The following SPATA6L variants were observed in gnomAD, a reference collection of about 807,000 sequenced individuals.
SPATA6L encodes spermatogenesis associated 6 like.
A neutral mutation model predicts 49.2 loss-of-function variants in SPATA6L; 68 were observed. That is an observed-to-expected ratio of 1.38 (90% confidence interval 1.14 to 1.69). SPATA6L has a LOEUF of 1.69. SPATA6L is among the 40% of genes most tolerant of loss of function. The probability of loss-of-function intolerance (pLI) is 0.00; values close to 1 mark genes in which losing one functional copy is unlikely to be tolerated. For synonymous variants in SPATA6L, 198 were observed against 165.7 expected (o/e 1.19, Z -1.50); for missense variants, 668 against 464.3 (o/e 1.44, Z -4.03).
Position 4,666,362 on chromosome 9 carries a change from C to G in SPATA6L, c.-112G>C. 8.6e-7 allele frequency: 1 copy of G among 1,156,702 alleles called. No homozygotes were observed. Among genetic ancestry groups the G allele is most frequent in the Admixed American group, 1.9e-5 (1 of 51,580 alleles). 71.7% of individuals were successfully genotyped at this position (1,156,702 alleles called of 1,614,324 possible). A position where few individuals can be genotyped will look rare whatever the true frequency, so the allele number is the denominator to read the frequency against. ...CTAGAGCAAATGTTCCCAGAAGCTT[C>G]CCCAGTCCCACGCCCTTGTTCCCCT... On this transcript the variant is annotated 5_prime_UTR_variant, in exon 1 of 12. Coordinates refer to ENST00000682582, the MANE Select transcript of SPATA6L (RefSeq NM_001353486.2).
chr9:4,633,885 T>C (rs943839643), intron 4 of SPATA6L: 2 of 152,242 alleles, frequency 1.3e-5, no homozygotes, highest in Non-Finnish European at 2.9e-5. Context: ...CTCTATCTAT[T>C]CACAAATTAT....
intron 7 of SPATA6L, among the ~76,000 whole-genome samples, chr9:4,619,378 G>A (rs887975683): frequency 6.6e-6 from 1 of 151,800 alleles, no homozygotes; most frequent in Non-Finnish European, 1.5e-5. Context: ...GGCTGGTCTC[G>A]AACTCCTGAC....
chr9:4,639,001 AT>A (rs112849249), intron 3 of SPATA6L, among the ~76,000 whole-genome samples: 6 of 152,254 alleles, frequency 3.9e-5, no homozygotes, highest in African/African-American at 1.4e-4. Context: ...CTTACCAACT[AT>A]GTGATCTGGG....
intron 1 of SPATA6L, chr9:4,663,134 G>A (rs1840271303): frequency 6.2e-7 from 1 of 1,614,138 alleles, no homozygotes; most frequent in East Asian, 2.2e-5. Flanking sequence ...GGGTCATGCT[G>A]GGGCGGCACA....
intron 2 of SPATA6L, among the ~76,000 whole-genome samples, chr9:4,660,507 C>T (rs936960314): frequency 1.1e-4 from 17 of 152,050 alleles, no homozygotes; most frequent in South Asian, 4.1e-4. Flanking sequence ...GTTAGAATGG[C>T]GATCATTAAA....
chr9:4,622,559 T>C (rs1384173915), intron 6 of SPATA6L, 49 bp from the exon 7 acceptor site: 2 of 1,266,000 alleles, frequency 1.6e-6, no homozygotes, highest in Admixed American at 1.9e-5. Flanking sequence ...TAGCTTCTAG[T>C]ACCCTCCCCT....
intron 3 of SPATA6L, among the ~76,000 whole-genome samples, chr9:4,645,108 C>T (rs1477868076): frequency 2.6e-5 from 4 of 152,182 alleles, no homozygotes; most frequent in Admixed American, 1.3e-4. Context: ...TTTCACATCA[C>T]TAAATATTCA....
At chr9:4,613,826 C>T (rs1827341409) in intron 9 of SPATA6L, among the ~76,000 whole-genome samples, 1 of 152,140 alleles carries the variant, frequency 6.6e-6, no homozygotes. Flanking sequence ...TCAAGTGATC[C>T]ACCCACCTCG....
Position 4,662,170 on chromosome 9 carries a change from C to T in SPATA6L, c.40-134G>A, listed in dbSNP as rs1193083439. 1 of 1,454,064 alleles carries T rather than the reference C, an allele frequency of 6.9e-7. No individual in the cohort carries two copies. The allele number at this position is 1,454,064 out of a possible 1,614,324, so 90.1% of individuals were successfully genotyped here. On this transcript the variant is annotated intron_variant, in intron 1 of 11. Transcript: ENST00000682582. This position sits in a 1 kb window ranked among gnomAD's most constrained non-coding sequence, Gnocchi z 4.9. The stretch of plus-strand genomic sequence containing the variant: ...CATCACCTCACTCCCTCACCTGTAC[C>T]TCCCAACGCCAACATCCTCCCCTCT...
At chr9:4,601,673 T>C (rs1340735182) in intron 11 of SPATA6L, among the ~76,000 whole-genome samples, 3 of 151,988 alleles carry the variant, frequency 2.0e-5, no homozygotes, top group African/African-American at 7.3e-5. Context: ...GAAACAGATA[T>C]GGAGAAGGGG....
chr9:4,626,379 C>T (rs889796816), intron 5 of SPATA6L: 35 of 1,292,124 alleles, frequency 2.7e-5, no homozygotes, highest in African/African-American at 3.1e-5. Flanking sequence ...CAGCAGTGAG[C>T]AGTGCCCCTC....
downstream of SPATA6L, among the ~76,000 whole-genome samples, chr9:4,597,379 TG>T (rs201429516): frequency 0.01 from 1,458 of 140,428 alleles, 29 homozygotes; most frequent in African/African-American, 0.036. Context: ...CGGTGGGGCG[TG>T]GGGGGTGAGG....
At chr9:4,635,116 G>C (rs1832522562) in intron 4 of SPATA6L, among the ~76,000 whole-genome samples, 159 bp downstream of exon 4, 1 of 152,178 alleles carries the variant, frequency 6.6e-6, no homozygotes, top group African/African-American at 2.4e-5. Context: ...CTGGAAATCA[G>C]TATAATTTGG....
At chr9:4,605,961 G>A (rs931453300) in intron 9 of SPATA6L, among the ~76,000 whole-genome samples, 2 of 152,164 alleles carry the variant, frequency 1.3e-5, no homozygotes, top group African/African-American at 4.8e-5. Flanking sequence ...CGCGCACCGT[G>A]CGCGAGCCGA....
At chr9:4,663,310 T>A (rs771075613) in intron 1 of SPATA6L, 1 of 1,565,294 alleles carries the variant, frequency 6.4e-7, no homozygotes, top group Non-Finnish European at 8.7e-7. Flanking sequence ...GGTTTCCACA[T>A]TCGATGATGT....
chr9:4,589,938 T>C (rs976530356), intron 13 of SPATA6L, among the ~76,000 whole-genome samples: 1 of 152,204 alleles, frequency 6.6e-6, no homozygotes, highest in Non-Finnish European at 1.5e-5. Context: ...TATTTATATA[T>C]TTTGACACGG....
intron 3 of SPATA6L, among the ~76,000 whole-genome samples, chr9:4,645,019 C>G (rs1835041521): frequency 1.3e-5 from 2 of 152,174 alleles, no homozygotes; most frequent in Non-Finnish European, 2.9e-5. Context: ...TGGCTATAAA[C>G]ACTACTTAAA....
At chr9:4,616,615 C>A (rs558896296) in intron 9 of SPATA6L, among the ~76,000 whole-genome samples, 1 of 152,216 alleles carries the variant, frequency 6.6e-6, no homozygotes, top group African/African-American at 2.4e-5. Flanking sequence ...AACGGAATTG[C>A]GCTCTTGTTG....
chr9:4,656,231 G>C lies in SPATA6L; in HGVS notation c.178-142C>G, dbSNP rs1384065029. 6.4e-6 allele frequency: 4 copies of C among 627,390 alleles called. No individual in the cohort carries two copies. In the East Asian group the frequency reaches 8.8e-5, roughly 14 times the overall value. 38.9% of individuals were successfully genotyped at this position (627,390 alleles called of 1,614,324 possible). On this transcript the variant is annotated intron_variant, in intron 2 of 11. Transcript: ENST00000682582. ...AGGTGGGTGTATTGCTTAAGCTCAGGAGTTTCAGACCAGCCTGGGCAACAT... is the reference window on the plus strand; with the variant it reads ...AGGTGGGTGTATTGCTTAAGCTCAGCAGTTTCAGACCAGCCTGGGCAACAT...
Sources: allele counts gnomAD v4.1 joint callset (sites outside exome capture counted in the v4.1 genomes callset), GRCh38; gene constraint gnomAD v4.1.1; non-coding constraint Gnocchi (gnomAD v3.1); transcripts MANE v1.5; gene names NCBI Gene and HGNC (gene_info 2026-07-23, HGNC 2026-07-21).